Variants in RASGRP3 observed in about 807,000 individuals in gnomAD.
RASGRP3 encodes the protein RAS guanyl releasing protein 3.
A neutral mutation model predicts 82.7 loss-of-function variants in RASGRP3; 54 were observed. That is an observed-to-expected ratio of 0.65 (90% CI 0.52 to 0.82). The LOEUF is 0.82. Ranked by LOEUF, RASGRP3 falls within the 40% of genes least tolerant of loss-of-function variation. RASGRP3 has a pLI of 0.00. For missense variants in RASGRP3, 861 were observed against 828.9 expected (o/e 1.04, Z -0.48); for synonymous variants, 309 against 300.5 (o/e 1.03, Z -0.29).
At chr2:33,496,010 G>C (rs985636537) in intron 1 of RASGRP3, among the ~76,000 whole-genome samples, 2 of 152,140 alleles carry the variant, frequency 1.3e-5, no homozygotes, top group Non-Finnish European at 2.9e-5. Flanking sequence ...TTAAAGTAAA[G>C]GTTCAGATTT....
intron 1 of RASGRP3, among the ~76,000 whole-genome samples, chr2:33,447,127 G>A (rs143308046): frequency 2.7e-5 from 4 of 149,738 alleles, no homozygotes; most frequent in South Asian, 2.1e-4. Flanking sequence ...AAAAAAAAGA[G>A]GGGGAAGCAG....
At chr2:33,476,952 G>A (rs536316397) in intron 1 of RASGRP3, among the ~76,000 whole-genome samples, 24 of 152,202 alleles carry the variant, frequency 1.6e-4, no homozygotes, top group Middle Eastern at 3.4e-3. Context: ...CTTTGAGGAT[G>A]AATGGGGCAT....
chr2:33,527,467 C>T, intron 10 of RASGRP3, 55 bp downstream of exon 10: 2 of 1,502,332 alleles, frequency 1.3e-6, no homozygotes. Flanking sequence ...CCTTTCTTTC[C>T]AGGAGACACA....
At chr2:33,440,981 C>T (rs999874907) in intron 1 of RASGRP3, among the ~76,000 whole-genome samples, 5 of 152,158 alleles carry the variant, frequency 3.3e-5, no homozygotes, top group African/African-American at 1.2e-4. Flanking sequence ...CAGCCTCCAC[C>T]TCCAGGGCTC....
chr2:33,548,892 T>A (rs372015182), intron 13 of RASGRP3, among the ~76,000 whole-genome samples: 2 of 152,120 alleles, frequency 1.3e-5, no homozygotes, highest in Admixed American at 6.5e-5. Flanking sequence ...TCTCACCATG[T>A]TGGTCAGGCT....
At chr2:33,461,189 A>G (rs888454528) in intron 2 of RASGRP3, among the ~76,000 whole-genome samples, 2 of 152,242 alleles carry the variant, frequency 1.3e-5, no homozygotes, top group Non-Finnish European at 2.9e-5. Flanking sequence ...CTTTTTATTC[A>G]TGAGACTGGC....
intron 4 of RASGRP3, among the ~76,000 whole-genome samples, chr2:33,518,914 A>G (rs1671727613): frequency 2.0e-5 from 3 of 152,202 alleles, no homozygotes; most frequent in South Asian, 4.1e-4. Context: ...TTCTTCTGGA[A>G]TAGGTCCTGA....
chr2:33,527,177 A>G lies in RASGRP3; in HGVS notation c.848A>G (p.Asn283Ser), dbSNP rs1208098851. 2 of 1,614,040 alleles carry G rather than the reference A, an allele frequency of 1.2e-6. No homozygotes were observed. Among genetic ancestry groups the G allele is most frequent in the Non-Finnish European group, 1.7e-6 (2 of 1,179,886 alleles). The change falls in exon 10 of 18, where the codon AAT becomes AGT. Residue 283 changes from asparagine (N) to serine (S), a missense_variant. Asn to Ser is a conservative substitution (Grantham distance 46). Transcript: ENST00000403687. ...ACAGAGTTGGTCTCCTCCAACGGCA[A>G]TTACTGCAATTACCGCAAGGCCTTT... ...EMTELVSSNG[N>S]YCNYRKAFAD...
intron 1 of RASGRP3, among the ~76,000 whole-genome samples, chr2:33,447,650 C>T (rs1329618073): frequency 6.6e-6 from 1 of 152,058 alleles, no homozygotes; most frequent in South Asian, 2.1e-4. Flanking sequence ...GCCTTGAACT[C>T]CTGATATCAA....
At chr2:33,489,128 A>G (rs1212965403) in intron 1 of RASGRP3, among the ~76,000 whole-genome samples, 2 of 152,336 alleles carry the variant, frequency 1.3e-5, no homozygotes, top group African/African-American at 4.8e-5. Flanking sequence ...AGTAGAGACC[A>G]ACGATGCTGC....
At position 33,500,385 on chromosome 2, in the gene RASGRP3, A is replaced by T. The variant is rs925802296; in HGVS notation, c.-260-11325A>T. ...AACAGGAACTGAGAACCAATATAGAAGTCTGAGAAGTGAGCCATTGCGGTG... is the reference window on the plus strand; with the variant it reads ...AACAGGAACTGAGAACCAATATAGATGTCTGAGAAGTGAGCCATTGCGGTG... On this transcript the variant is annotated intron_variant, in intron 1 of 17. Coordinates refer to ENST00000403687, the MANE Select transcript of RASGRP3 (RefSeq NM_001139488.2). Among the ~76,000 whole-genome samples the T allele has an allele frequency of 2.0e-5, 3 of 152,300 alleles. No individual in the cohort carries two copies. The East Asian group carries it at 5.8e-4, about 29-fold the overall frequency.
rs573444890 is a variant in RASGRP3 at position 33,541,726 on chromosome 2, C to T, written c.1279-1786C>T. On this transcript the variant is annotated intron_variant, in intron 12 of 17. Coordinates refer to ENST00000403687, the MANE Select transcript of RASGRP3 (RefSeq NM_001139488.2). ...TGTGTCTTTGCTCTCATATATGCTG[C>T]AAATAACTTGCTCTGTTTGACATTT... 1.3e-3 allele frequency among the ~76,000 whole-genome samples: 195 copies of T among 147,180 alleles called. 5 individuals are homozygous for T. Among genetic ancestry groups the T allele is most frequent in the African/African-American group, 4.5e-3 (184 of 41,252 alleles).
chr2:33,563,145 G>T lies in RASGRP3; in HGVS notation c.*408G>T. The T allele has an allele frequency of 5.3e-6, 1 of 188,090 alleles. No homozygotes were observed. Among genetic ancestry groups the T allele is most frequent in the East Asian group, 1.3e-4 (1 of 7,596 alleles). 11.7% of individuals were successfully genotyped at this position (188,090 alleles called of 1,614,324 possible). A position where few individuals can be genotyped will look rare whatever the true frequency, so the allele number is the denominator to read the frequency against. On this transcript the variant is annotated 3_prime_UTR_variant, in exon 18 of 18. Transcript: ENST00000403687. ...TTTTATAAACTTTTGTGTGTGCTGT[G>T]GCAGGGAACAGTTAACAAGGAGTTT...
At chr2:33,447,105 C>CAAAAAAAA (rs1161927671) in intron 1 of RASGRP3, among the ~76,000 whole-genome samples, 1 of 59,292 alleles carries the variant, frequency 1.7e-5, no homozygotes, top group African/African-American at 5.0e-5. Flanking sequence ...GACTCCGTCT[C>CAAAAAAAA]AAAAAAAAAA....
chr2:33,499,773 AAGAG>A (rs56865160), intron 1 of RASGRP3, among the ~76,000 whole-genome samples: 2 of 135,654 alleles, frequency 1.5e-5, no homozygotes, highest in Non-Finnish European at 1.6e-5. Context: ...CAAAAAAAAA[AAGAG>A]AGGATAAGAT....
chr2:33,504,659 G>C (rs1036276253), intron 1 of RASGRP3, among the ~76,000 whole-genome samples: 1 of 152,166 alleles, frequency 6.6e-6, no homozygotes, highest in African/African-American at 2.4e-5. Flanking sequence ...TCCCAGCCTA[G>C]AGTGATGGTA....
chr2:33,556,341 G>A (rs1280734773), intron 15 of RASGRP3, among the ~76,000 whole-genome samples: 2 of 95,422 alleles, frequency 2.1e-5, no homozygotes, highest in African/African-American at 6.5e-5. Flanking sequence ...TCCGCTTCCC[G>A]GGTTCACGCC....
intron 1 of RASGRP3, among the ~76,000 whole-genome samples, chr2:33,510,752 C>T (rs1037483505): frequency 1.6e-4 from 24 of 152,122 alleles, no homozygotes; most frequent in African/African-American, 4.1e-4. Flanking sequence ...TAGTAAAGTA[C>T]GCAGCATTAT....
chr2:33,503,032 G>A (rs1436454777), intron 1 of RASGRP3, among the ~76,000 whole-genome samples: 2 of 152,140 alleles, frequency 1.3e-5, no homozygotes, highest in African/African-American at 4.8e-5. Flanking sequence ...TTCTCTTTTA[G>A]CATTTTGACA....
Sources: gnomAD v4.1 joint callset for allele counts (sites outside exome capture counted in the v4.1 genomes callset) on GRCh38, gnomAD v4.1.1 for gene constraint, MANE v1.5 for transcripts, NCBI Gene and HGNC (gene_info 2026-07-23, HGNC 2026-07-21) for gene names.